PBX1: variants seen among roughly 807,000 people sequenced by gnomAD.
PBX1 encodes pre-B-cell leukemia transcription factor 1.
Under a neutral mutation model 53.4 loss-of-function variants are expected in PBX1, and 6 were observed. That is an observed-to-expected ratio of 0.11 (90% confidence interval 0.06 to 0.22). The LOEUF (loss-of-function observed/expected upper bound fraction) is 0.22, where lower values mean the gene tolerates loss of function less well. Ranked by LOEUF, PBX1 falls within the 10% of genes least tolerant of loss-of-function variation. The pLI is 1.00. For missense variants in PBX1, 251 were observed against 551.4 expected, an observed-to-expected ratio of 0.46 and a Z score of 5.46; for synonymous variants, 204 against 212.3, an observed-to-expected ratio of 0.96 and a Z score of 0.34.
chr1:164,767,342 G>A (rs1424558107), intron 2 of PBX1, among the ~76,000 whole-genome samples: 1 of 152,152 alleles, frequency 6.6e-6, no homozygotes, highest in Non-Finnish European at 1.5e-5. Context: ...GGGCCCTGGG[G>A]TTCCACACAG....
At chr1:164,660,004 G>A (rs1660388453) in intron 2 of PBX1, among the ~76,000 whole-genome samples, 1 of 152,180 alleles carries the variant, frequency 6.6e-6, no homozygotes, top group Admixed American at 6.5e-5. Flanking sequence ...CTGGGTAGGT[G>A]AGCCAGAGTC....
At chr1:164,728,047 GGGCGTGGT>G (rs963875819) in intron 2 of PBX1, among the ~76,000 whole-genome samples, 2 of 152,184 alleles carry the variant, frequency 1.3e-5, no homozygotes, top group Admixed American at 1.3e-4. Context: ...GAGCCAGGCT[GGGCGTGGT>G]GGCTCATGCC....
intron 2 of PBX1, among the ~76,000 whole-genome samples, chr1:164,644,353 A>C (rs190519884): frequency 6.6e-6 from 1 of 152,280 alleles, no homozygotes; most frequent in East Asian, 1.9e-4. Context: ...GTAAACCGCA[A>C]ATGAAATTTT....
At position 164,851,830 on chromosome 1, in the gene PBX1, AT is replaced by A. The variant is rs754047615; in HGVS notation, c.*5155del. ...ATAGTTTCTTTTGTTGCAAAAAAAA[AT>A]ACTTGTATTTTGTGCACATTTCTTT... is the stretch of plus-strand genomic sequence containing the variant. On this transcript the variant is annotated 3_prime_UTR_variant, in exon 9 of 9. Coordinates refer to ENST00000420696, the MANE Select transcript of PBX1 (RefSeq NM_002585.4). The A allele has an allele frequency of 5.2e-5, 9 of 171,938 alleles. No individual in the cohort carries two copies. Among genetic ancestry groups the A allele is most frequent in the South Asian group, 4.0e-4 (2 of 4,982 alleles). The allele number at this position is 171,938 out of a possible 1,614,324, so 10.7% of individuals were successfully genotyped here.
chr1:164,841,003 G>A (rs913767448), intron 8 of PBX1, among the ~76,000 whole-genome samples: 2 of 152,116 alleles, frequency 1.3e-5, no homozygotes, highest in African/African-American at 2.4e-5. Flanking sequence ...CAAAATCGGC[G>A]ATGTGTCGGG....
chr1:164,747,354 T>C (rs1289293972), intron 2 of PBX1, among the ~76,000 whole-genome samples: 1 of 152,156 alleles, frequency 6.6e-6, no homozygotes, highest in African/African-American at 2.4e-5. Flanking sequence ...CACATATGTA[T>C]GTATGTATTT....
chr1:164,634,879 G>A (rs1658644397), intron 2 of PBX1, among the ~76,000 whole-genome samples: 1 of 152,064 alleles, frequency 6.6e-6, no homozygotes, highest in South Asian at 2.1e-4. Flanking sequence ...CACCAACTAT[G>A]TGCACGTGGT....
rs916906755 is a variant in PBX1, at chr1:164,669,553, G to A, written c.265+106242G>A. ...TTCCAGGAAGTAGTCTTAAGTATGG[G>A]CTGGGTTCTAGCTCCAATAGTCCTC... is the stretch of plus-strand genomic sequence containing the variant. On this transcript the variant is annotated intron_variant, in intron 2 of 8. Coordinates refer to ENST00000420696, the MANE Select transcript of PBX1 (RefSeq NM_002585.4). 3.5e-4 allele frequency among the ~76,000 whole-genome samples: 53 copies of A among 152,088 alleles called. 1 individual carries two copies. Among genetic ancestry groups the A allele is most frequent in the African/African-American group, 1.2e-3 (50 of 41,410 alleles).
intron 2 of PBX1, chr1:164,770,978 A>G (rs999172935): frequency 6.6e-6 from 1 of 151,988 alleles, no homozygotes; most frequent in African/African-American, 2.4e-5. Flanking sequence ...TCCAGCTTTC[A>G]TAGGATGGGT....
chr1:164,809,352 G>A (rs1174643656), intron 5 of PBX1, among the ~76,000 whole-genome samples: 1 of 152,106 alleles, frequency 6.6e-6, no homozygotes, highest in Non-Finnish European at 1.5e-5. Context: ...TTTACATATT[G>A]TGTCACCTTT....
intron 2 of PBX1, among the ~76,000 whole-genome samples, chr1:164,611,619 G>C (rs965346265): frequency 3.5e-4 from 46 of 133,278 alleles, no homozygotes; most frequent in African/African-American, 1.2e-3. Context: ...TTAGAGGAAT[G>C]CCTTGGTTAG....
intron 2 of PBX1, among the ~76,000 whole-genome samples, chr1:164,672,366 C>T (rs1661168475): frequency 6.6e-6 from 1 of 152,208 alleles, no homozygotes; most frequent in African/African-American, 2.4e-5. Context: ...GAACCTTTCA[C>T]TCTCCTTTAA....
chr1:164,834,233 A>T (rs16835287), intron 8 of PBX1, among the ~76,000 whole-genome samples: 8,176 of 151,830 alleles, frequency 0.054, 232 homozygotes, highest in East Asian at 0.073. Context: ...TACTCAGAAT[A>T]GTGTTGGGCA....
chr1:164,717,140 A>G (rs1015632984), intron 2 of PBX1, among the ~76,000 whole-genome samples: 1 of 152,186 alleles, frequency 6.6e-6, no homozygotes, highest in African/African-American at 2.4e-5. Flanking sequence ...CGGGTAAAAT[A>G]AAGGAAGTGA....
intron 2 of PBX1, among the ~76,000 whole-genome samples, chr1:164,723,332 T>C (rs1383238390): frequency 1.3e-5 from 2 of 152,218 alleles, no homozygotes; most frequent in Non-Finnish European, 2.9e-5. Flanking sequence ...TAGAGGCTTA[T>C]GCTCCACTCT....
intron 6 of PBX1, chr1:164,813,564 G>A (rs1202015909): frequency 6.6e-6 from 1 of 152,182 alleles, no homozygotes; most frequent in Non-Finnish European, 1.5e-5. Flanking sequence ...CAGTTGAACT[G>A]TGCTGCTAGG....
intron 2 of PBX1, among the ~76,000 whole-genome samples, chr1:164,783,478 G>A (rs1327303842): frequency 2.0e-5 from 3 of 152,044 alleles, no homozygotes; most frequent in African/African-American, 7.2e-5. Flanking sequence ...TTCCTAACGC[G>A]CAGAAAAACC....
At chr1:164,799,032 G>A (rs1049063180) in intron 3 of PBX1, among the ~76,000 whole-genome samples, 9 of 152,146 alleles carry the variant, frequency 5.9e-5, no homozygotes, top group Non-Finnish European at 1.3e-4. Context: ...GAAAGCACAT[G>A]ATACATTTGA....
intron 2 of PBX1, among the ~76,000 whole-genome samples, chr1:164,714,273 T>C (rs1663964324): frequency 6.6e-6 from 1 of 152,232 alleles, no homozygotes; most frequent in African/African-American, 2.4e-5. Flanking sequence ...GGATCTTACA[T>C]GTATGATCTA....
Sources: allele counts gnomAD v4.1 joint callset (sites outside exome capture counted in the v4.1 genomes callset), GRCh38; gene constraint gnomAD v4.1.1; transcripts MANE v1.5; gene names NCBI Gene and HGNC (gene_info 2026-07-23, HGNC 2026-07-21).